The following STARD10 variants were observed in gnomAD, a reference collection of about 807,000 sequenced individuals.
STARD10 encodes the protein StAR related lipid transfer domain containing 10, also known as START domain-containing protein 10.
Under a neutral mutation model 36.0 loss-of-function variants are expected in STARD10, and 24 were observed. The observed-to-expected ratio is 0.67, with a 90% CI of 0.48 to 0.94. The LOEUF (loss-of-function observed/expected upper bound fraction) is 0.94, where lower values mean the gene tolerates loss of function less well. STARD10 is among the 40% of genes least tolerant of loss of function. STARD10 has a pLI of 0.00. For synonymous variants in STARD10, 156 were observed against 161.9 expected, an observed-to-expected ratio of 0.96 and a Z score of 0.28; for missense variants, 335 against 396.6, an observed-to-expected ratio of 0.84 and a Z score of 1.32.
chr11:72,790,025 T>C (rs924553112), intron 1 of STARD10, among the ~76,000 whole-genome samples: 3 of 152,204 alleles, frequency 2.0e-5, no homozygotes, highest in African/African-American at 7.2e-5. Context: ...CTCAGACTGA[T>C]GAAGGCCCCA....
intron 1 of STARD10, among the ~76,000 whole-genome samples, chr11:72,788,905 G>C (rs1315388157): frequency 1.3e-5 from 2 of 152,080 alleles, no homozygotes; most frequent in Non-Finnish European, 2.9e-5. Flanking sequence ...GCCCAGACTG[G>C]AGTACAGTGG....
chr11:72,761,701 T>G (rs993646767), intron 2 of STARD10, among the ~76,000 whole-genome samples: 1 of 151,868 alleles, frequency 6.6e-6, no homozygotes, highest in Non-Finnish European at 1.5e-5. Context: ...GCCGAGATCA[T>G]GCTGTGTGCT....
At chr11:72,774,972 TG>T (rs890099516) in intron 2 of STARD10, among the ~76,000 whole-genome samples, 1 of 152,178 alleles carries the variant, frequency 6.6e-6, no homozygotes, top group Non-Finnish European at 1.5e-5. Flanking sequence ...AGCGGGAGCC[TG>T]GGCAGCTGGG....
Position 72,781,540 on chromosome 11 carries a change from C to T in STARD10, c.-113-246G>A, listed in dbSNP as rs1365337396. 4.9e-6 allele frequency: 1 copy of T among 203,232 alleles called. No homozygotes were observed. Among genetic ancestry groups the T allele is most frequent in the Non-Finnish European group, 9.9e-6 (1 of 101,370 alleles). The allele number at this position is 203,232 out of a possible 1,614,324, so 12.6% of individuals were successfully genotyped here. On this transcript the variant is annotated intron_variant, in intron 1 of 6. Coordinates refer to ENST00000334805, the MANE Select transcript of STARD10 (RefSeq NM_006645.3). This position sits in a 1 kb window ranked among gnomAD's most constrained non-coding sequence, Gnocchi z 4.7. The stretch of plus-strand genomic sequence containing the variant: ...TCGGGACCCAGGGACTGGCCGGGAC[C>T]CGAGGGGAGGGACGGTGCGGCGGGG...
intron 4 of STARD10, 97 bp from the exon 5 acceptor site, chr11:72,757,981 A>T: frequency 9.7e-7 from 1 of 1,035,974 alleles, no homozygotes; most frequent in Non-Finnish European, 1.5e-6. Context: ...ACACACATAC[A>T]GTTAATTCAC....
At chr11:72,761,129 A>G (rs1858710503) in intron 2 of STARD10, among the ~76,000 whole-genome samples, 1 of 152,084 alleles carries the variant, frequency 6.6e-6, no homozygotes, top group Admixed American at 6.5e-5. Flanking sequence ...CGCCTTGGAT[A>G]TAACTTCAGT....
rs1179111002 is a variant in STARD10 at position 72,781,480 on chromosome 11, A to G, written c.-113-186T>C. On this transcript the variant is annotated intron_variant, in intron 1 of 6. Transcript: ENST00000334805. The surrounding 1 kb of genome is among the most constrained non-coding windows in gnomAD (Gnocchi z 4.7). ...CAGACCCCCTGGGGCCGGCGTGGGG[A>G]CTGCGTATGGGACGCGGTGGCCGGC... Among the ~76,000 whole-genome samples, 1 of 151,176 alleles carries G rather than the reference A, an allele frequency of 6.6e-6. No homozygotes were observed. The highest frequency in any genetic ancestry group is 1.5e-5 in the Non-Finnish European group (1 of 67,684).
chr11:72,765,816 C>CAAAAAAAAA lies in STARD10; in HGVS notation c.208-6444_208-6436dup, dbSNP rs752801080. On this transcript the variant is annotated intron_variant, in intron 2 of 6. Transcript: ENST00000334805. ...TGAAAACCTGTCTCTACTAAAAATA[C>CAAAAAAAAA]AAAAAAAAAAAAAAATTAGCTGGGT... is the stretch of plus-strand genomic sequence containing the variant. Among the ~76,000 whole-genome samples the CAAAAAAAAA allele has an allele frequency of 1.1e-3, 126 of 118,174 alleles. 1 individual carries two copies. Among genetic ancestry groups the CAAAAAAAAA allele is most frequent in the African/African-American group, 3.8e-3 (110 of 28,736 alleles). 77.5% of individuals were successfully genotyped at this position (118,174 alleles called of 152,430 possible).
chr11:72,755,731 C>A lies in STARD10; in HGVS notation c.600G>T (p.Val200=). Residue 200 remains valine, a synonymous_variant, in exon 6 of 7, where the codon GTG becomes GTT. Transcript: ENST00000334805. The part of the protein sequence containing the change: ...DPKGSLPKWV[V]NKSSQFLAPK... The stretch of plus-strand genomic sequence containing the variant: ...GAGCCAGGAACTGAGAAGATTTATT[C>A]ACCACCCACTTGGGTAAGGAGCCTG... 6.2e-7 allele frequency: 1 copy of A among 1,613,712 alleles called. No homozygotes were observed. Among genetic ancestry groups the A allele is most frequent in the South Asian group, 1.1e-5 (1 of 91,040 alleles).
At chr11:72,773,692 TCA>T (rs1268045298) in intron 2 of STARD10, among the ~76,000 whole-genome samples, 1 of 151,992 alleles carries the variant, frequency 6.6e-6, no homozygotes, top group Admixed American at 6.6e-5. Context: ...AAGGGCCACA[TCA>T]CACACACAGT....
intron 2 of STARD10, among the ~76,000 whole-genome samples, chr11:72,771,191 C>G (rs1591267272): frequency 6.6e-6 from 1 of 152,188 alleles, no homozygotes; most frequent in Non-Finnish European, 1.5e-5. Context: ...CAGAACTAGG[C>G]TCTGTTCTGT....
At chr11:72,769,626 G>A (rs1029225365) in intron 2 of STARD10, among the ~76,000 whole-genome samples, 1 of 151,986 alleles carries the variant, frequency 6.6e-6, no homozygotes, top group African/African-American at 2.4e-5. Context: ...TTGCAGGTGT[G>A]AGCCACTGCA....
intron 1 of STARD10, among the ~76,000 whole-genome samples, chr11:72,782,737 C>A (rs1028808094): frequency 6.6e-6 from 1 of 152,218 alleles, no homozygotes; most frequent in Admixed American, 6.5e-5. Context: ...AGGCTCCCCC[C>A]TGCCCCCTGG....
At chr11:72,772,182 T>C (rs920148667) in intron 2 of STARD10, among the ~76,000 whole-genome samples, 1 of 151,664 alleles carries the variant, frequency 6.6e-6, no homozygotes, top group Non-Finnish European at 1.5e-5. Context: ...GGTGCTGCCA[T>C]AGGGGGCATG....
At chr11:72,777,676 G>A (rs547368063) in intron 2 of STARD10, among the ~76,000 whole-genome samples, 1 of 152,252 alleles carries the variant, frequency 6.6e-6, no homozygotes, top group African/African-American at 2.4e-5. Flanking sequence ...CAGGCTGGAG[G>A]CCAGGAGGGA....
At chr11:72,790,781 A>C (rs1859132867) in intron 1 of STARD10, among the ~76,000 whole-genome samples, 1 of 152,200 alleles carries the variant, frequency 6.6e-6, no homozygotes, top group Non-Finnish European at 1.5e-5. Flanking sequence ...GCAGGTGTAA[A>C]CACTCGAGAC....
chr11:72,790,328 C>CA (rs748569410), intron 1 of STARD10: 1 of 151,932 alleles, frequency 6.6e-6, no homozygotes. Flanking sequence ...GGACCAGACT[C>CA]ACGCTTACCT....
intron 5 of STARD10, among the ~76,000 whole-genome samples, chr11:72,757,539 G>A (rs1173763348): frequency 1.3e-5 from 2 of 152,232 alleles, no homozygotes; most frequent in African/African-American, 2.4e-5. Context: ...GCAGAGCCCA[G>A]GAAAAGTGCT....
chr11:72,792,723 C>T (rs1209072848), intron 1 of STARD10, among the ~76,000 whole-genome samples, 152 bp downstream of exon 1: 1 of 152,152 alleles, frequency 6.6e-6, no homozygotes, highest in African/African-American at 2.4e-5. Context: ...AGCTCCACTG[C>T]CCCCAGATGG....
Sources: allele counts gnomAD v4.1 joint callset (sites outside exome capture counted in the v4.1 genomes callset), GRCh38; gene constraint gnomAD v4.1.1; non-coding constraint Gnocchi (gnomAD v3.1); transcripts MANE v1.5; gene names NCBI Gene and HGNC (gene_info 2026-07-23, HGNC 2026-07-21).